Variants in RTTN observed in about 807,000 individuals in gnomAD.
RTTN encodes rotatin.
RTTN carries 182 observed loss-of-function variants against 269.2 expected under a neutral mutation model. The observed-to-expected ratio is 0.68, with a 90% confidence interval of 0.60 to 0.76. The LOEUF (loss-of-function observed/expected upper bound fraction) is 0.76, where lower values mean the gene tolerates loss of function less well. RTTN is among the 30% of genes least tolerant of loss of function. The probability of loss-of-function intolerance (pLI) is 0.00; values close to 1 mark genes in which losing one functional copy is unlikely to be tolerated. For missense variants in RTTN, 2,545 were observed against 2,608.6 expected (o/e 0.98, Z 0.53); for synonymous variants, 1,006 against 963.5 (o/e 1.04, Z -0.82).
At chr18:70,039,157 T>A (rs2057265023) in intron 40 of RTTN, among the ~76,000 whole-genome samples, 1 of 152,060 alleles carries the variant, frequency 6.6e-6, no homozygotes, top group Non-Finnish European at 1.5e-5. Flanking sequence ...TTCAAAGGGA[T>A]AATATCAGAG....
At position 70,079,546 on chromosome 18, in the gene RTTN, T is replaced by C. The variant is rs538833796; in HGVS notation, c.4375-4005A>G. Among the ~76,000 whole-genome samples the C allele has an allele frequency of 2.0e-5, 3 of 152,206 alleles. No individual in the cohort carries two copies. In the South Asian group the frequency reaches 6.2e-4, roughly 31 times the overall value. ...CATCCATCAGTAATTGATGGGGTTA[T>C]CTTCTAGCATAGTGGGGAAATTAGA... On this transcript the variant is annotated intron_variant, in intron 32 of 48. Coordinates refer to ENST00000640769, the MANE Select transcript of RTTN (RefSeq NM_173630.4).
intron 33 of RTTN, among the ~76,000 whole-genome samples, chr18:70,074,324 T>A (rs1016337852): frequency 6.6e-6 from 1 of 152,064 alleles, no homozygotes; most frequent in Non-Finnish European, 1.5e-5. Flanking sequence ...TTAAGGGCCA[T>A]GCTCTAAGTA....
intron 33 of RTTN, 116 bp downstream of exon 33, chr18:70,075,236 G>A: frequency 1.5e-6 from 1 of 672,606 alleles, no homozygotes; most frequent in Non-Finnish European, 2.4e-6. Context: ...AACTGGAAAT[G>A]AATGTTTTCC....
chr18:70,135,316 G>A, intron 21 of RTTN, 36 bp from the exon 22 acceptor site: 1 of 1,204,438 alleles, frequency 8.3e-7, no homozygotes, highest in South Asian at 1.3e-5. Context: ...TGAAATATTT[G>A]TACGTCTAGA....
At chr18:70,181,324 G>C (rs1464532004) in intron 10 of RTTN, among the ~76,000 whole-genome samples, 1 of 152,174 alleles carries the variant, frequency 6.6e-6, no homozygotes, top group Admixed American at 6.5e-5. Flanking sequence ...AAGAGTCTAG[G>C]TTATCTGGCA....
At chr18:70,171,031 TG>T (rs57369406) in intron 11 of RTTN, among the ~76,000 whole-genome samples, 4,277 of 152,134 alleles carry the variant, frequency 0.028, 220 homozygotes, top group African/African-American at 0.097. Context: ...GAATGAAGTT[TG>T]GGACATGTTC....
At position 70,150,052 on chromosome 18, in the gene RTTN, C is replaced by A. The variant is rs899938655; in HGVS notation, c.2091G>T (p.Leu697=). 6.2e-7 allele frequency: 1 copy of A among 1,613,352 alleles called. No individual in the cohort carries two copies. The highest frequency in any genetic ancestry group is 8.5e-7 in the Non-Finnish European group (1 of 1,179,462). Residue 697 remains leucine, a synonymous_variant, in exon 16 of 49, where the codon CTG becomes CTT. Transcript: ENST00000640769. ...CTGTCATCATCAATCGTCCCTGAAG[C>A]AGGTATAACAGAATGGCCTTGGCAG... The part of the protein sequence containing the change: ...NTAAKAILLY[L]LQGRLMMTAL...
At chr18:70,082,481 A>C (rs1385441866) in intron 32 of RTTN, among the ~76,000 whole-genome samples, 1 of 152,128 alleles carries the variant, frequency 6.6e-6, no homozygotes, top group African/African-American at 2.4e-5. Flanking sequence ...CAACTCTAAA[A>C]TTGGTTGTTA....
intron 14 of RTTN, among the ~76,000 whole-genome samples, chr18:70,157,853 C>A (rs1290763477): frequency 6.6e-6 from 1 of 151,858 alleles, no homozygotes; most frequent in Non-Finnish European, 1.5e-5. Flanking sequence ...GGAAAAAAAT[C>A]TCAGAGCTCA....
intron 37 of RTTN, among the ~76,000 whole-genome samples, chr18:70,055,512 TTTATATA>T (rs1159974247): frequency 1.2e-4 from 18 of 152,156 alleles, no homozygotes; most frequent in Non-Finnish European, 2.4e-4. Flanking sequence ...GCCAACTTAC[TTTATATA>T]AAAGTGTAGG....
At chr18:70,162,677 C>T (rs968756927) in intron 14 of RTTN, among the ~76,000 whole-genome samples, 7 of 152,098 alleles carry the variant, frequency 4.6e-5, no homozygotes, top group Admixed American at 1.3e-4. Flanking sequence ...TCCCACGACA[C>T]GTGGGGATTA....
chr18:70,081,237 G>T (rs2058559940), intron 32 of RTTN, among the ~76,000 whole-genome samples: 1 of 152,048 alleles, frequency 6.6e-6, no homozygotes, highest in Non-Finnish European at 1.5e-5. Flanking sequence ...CTGCTGAGGT[G>T]ATGGGTACAC....
chr18:70,051,692 T>C, intron 38 of RTTN, 144 bp from the exon 39 acceptor site: 1 of 539,808 alleles, frequency 1.9e-6, no homozygotes, highest in African/African-American at 2.0e-5. Context: ...TAATTCAGCA[T>C]TATCCAAAAT....
chr18:70,160,042 C>CA (rs899359186), intron 14 of RTTN, among the ~76,000 whole-genome samples: 5 of 151,994 alleles, frequency 3.3e-5, no homozygotes, highest in African/African-American at 7.2e-5. Context: ...GAAATTATTC[C>CA]AAAAAATGAA....
intron 40 of RTTN, among the ~76,000 whole-genome samples, chr18:70,038,882 A>C (rs193098974): frequency 1.6e-4 from 24 of 152,348 alleles, no homozygotes; most frequent in Non-Finnish European, 1.0e-4. Context: ...AGAGAGATTT[A>C]AATAATTAAG....
rs548075986 is a variant in RTTN at position 70,189,258 on chromosome 18, GCACT to G, written c.1190-1039_1190-1036del. 9.2e-5 allele frequency among the ~76,000 whole-genome samples: 14 copies of G among 152,274 alleles called. No individual in the cohort carries two copies. In the East Asian group the frequency reaches 2.7e-3, roughly 29 times the overall value. Reference sequence around the variant, plus strand: ...TAATATATAGTTCCAGCTAGTAGAAGCACTTACTGAGTAAAAAGTATGAGTACAC... The same window carrying G: ...TAATATATAGTTCCAGCTAGTAGAAGTACTGAGTAAAAAGTATGAGTACAC... On this transcript the variant is annotated intron_variant, in intron 9 of 48. Transcript: ENST00000640769.
At chr18:70,024,018 A>G (rs2056780733) in intron 44 of RTTN, among the ~76,000 whole-genome samples, 1 of 152,146 alleles carries the variant, frequency 6.6e-6, no homozygotes, top group Admixed American at 6.5e-5. Context: ...CCAGACTTCA[A>G]GTGATCCGCC....
intron 43 of RTTN, among the ~76,000 whole-genome samples, chr18:70,028,161 T>C (rs751214175): frequency 3.3e-5 from 5 of 152,216 alleles, no homozygotes; most frequent in African/African-American, 4.8e-5. Context: ...ATATCCTCTA[T>C]AGTAGTACTG....
intron 43 of RTTN, among the ~76,000 whole-genome samples, chr18:70,025,608 T>C (rs1313181061): frequency 2.6e-5 from 4 of 152,212 alleles, no homozygotes; most frequent in South Asian, 4.1e-4. Context: ...ACTGAAGTCA[T>C]TCCCAGTGCT....
Sources: gnomAD v4.1 joint callset for allele counts (sites outside exome capture counted in the v4.1 genomes callset) on GRCh38, gnomAD v4.1.1 for gene constraint, MANE v1.5 for transcripts, NCBI Gene and HGNC (gene_info 2026-07-23, HGNC 2026-07-21) for gene names.